The following C5orf34 variants were observed in gnomAD, a reference collection of about 807,000 sequenced individuals.
The protein encoded by C5orf34 is chromosome 5 open reading frame 34, also known as uncharacterized protein C5orf34.
A neutral mutation model predicts 78.4 loss-of-function variants in C5orf34; 73 were observed. The ratio of observed to expected loss-of-function variants is 0.93; its 90% confidence interval spans 0.77 to 1.13. The LOEUF (loss-of-function observed/expected upper bound fraction) is 1.13, where lower values mean the gene tolerates loss of function less well. Ranked by LOEUF, C5orf34 falls within the 50% of genes most tolerant of loss-of-function variation. The probability of loss-of-function intolerance (pLI) is 0.00; values close to 1 mark genes in which losing one functional copy is unlikely to be tolerated. For synonymous variants in C5orf34, 251 were observed against 246.6 expected (o/e 1.02, Z -0.17); for missense variants, 730 against 732.7 (o/e 1.00, Z 0.04).
intron 6 of C5orf34, chr5:43,495,320 T>C: frequency 6.2e-7 from 1 of 1,611,676 alleles, no homozygotes; most frequent in Non-Finnish European, 8.5e-7. Flanking sequence ...AGAACCGCGA[T>C]CAATCTTTTC....
chr5:43,507,800 C>T (rs748869647), intron 3 of C5orf34, among the ~76,000 whole-genome samples: 48 of 151,832 alleles, frequency 3.2e-4, no homozygotes, highest in Middle Eastern at 3.4e-3. Flanking sequence ...GGCTGCCGGC[C>T]GGGCGCGGTG....
chr5:43,511,473 G>A (rs1477807376), intron 1 of C5orf34, among the ~76,000 whole-genome samples: 16 of 150,138 alleles, frequency 1.1e-4, no homozygotes, highest in African/African-American at 3.4e-4. Flanking sequence ...CTGCCTGGCC[G>A]CCCCTTCTGG....
chr5:43,508,909 A>G (rs1036188150), intron 2 of C5orf34, among the ~76,000 whole-genome samples: 9 of 152,324 alleles, frequency 5.9e-5, no homozygotes, highest in African/African-American at 2.2e-4. Context: ...AGTTTGTGCA[A>G]CATAGCTAGA....
chr5:43,495,873 A>G, intron 6 of C5orf34: 1 of 1,595,190 alleles, frequency 6.3e-7, no homozygotes, highest in Non-Finnish European at 8.6e-7. Flanking sequence ...TCACCATTCC[A>G]ACCAGAAATT....
Position 43,492,324 on chromosome 5 carries a change from A to G in C5orf34, c.1486-15T>C. ...CCTTGATTTACCTGAAGAAGTAGAA[A>G]GATAAGTTTTATCATTTTAGAACTG... On this transcript the variant is annotated splice_polypyrimidine_tract_variant and intron_variant, in intron 9 of 12. Coordinates refer to ENST00000306862, the MANE Select transcript of C5orf34 (RefSeq NM_198566.4). 1 of 1,523,642 alleles carries G rather than the reference A, an allele frequency of 6.6e-7. No individual in the cohort carries two copies. The highest frequency in any genetic ancestry group is 9.0e-7 in the Non-Finnish European group (1 of 1,106,112). The allele number at this position is 1,523,642 out of a possible 1,614,324, so 94.4% of individuals were successfully genotyped here. A position where few individuals can be genotyped will look rare whatever the true frequency, so the allele number is the denominator to read the frequency against.
chr5:43,515,009 G>A lies in C5orf34; in HGVS notation c.-240C>T, dbSNP rs1031259763. On this transcript the variant is annotated 5_prime_UTR_variant, in exon 1 of 13. Coordinates refer to ENST00000306862, the MANE Select transcript of C5orf34 (RefSeq NM_198566.4). ...AACCCTAGAGGAATAAGGTGGCAGG[G>A]AGAGTGTTTTGGCCAAGATGCCCGC... 6 of 152,242 alleles carry A rather than the reference G, an allele frequency of 3.9e-5. No homozygotes were observed. The highest frequency in any genetic ancestry group is 1.3e-4 in the Admixed American group (2 of 15,284). The allele number at this position is 152,242 out of a possible 1,614,324, so 9.4% of individuals were successfully genotyped here.
chr5:43,488,815 T>TA (rs1467549743), intron 11 of C5orf34, among the ~76,000 whole-genome samples: 1 of 152,140 alleles, frequency 6.6e-6, no homozygotes, highest in Non-Finnish European at 1.5e-5. Context: ...CTACAAACTG[T>TA]AACTTGACTA....
intron 6 of C5orf34, among the ~76,000 whole-genome samples, chr5:43,501,117 C>T (rs1461425985): frequency 4.6e-5 from 7 of 152,230 alleles, no homozygotes; most frequent in South Asian, 4.1e-4. Context: ...CACCCCCTCC[C>T]GCAACAGCTT....
Position 43,494,971 on chromosome 5 carries a change from G to A in C5orf34, c.1153-370C>T. On this transcript the variant is annotated intron_variant, in intron 6 of 12. Coordinates refer to ENST00000306862, the MANE Select transcript of C5orf34 (RefSeq NM_198566.4). Reference sequence around the variant, plus strand: ...TACGATGCATTGTTATCATTAACCAGTCTTTCACTACTAAACTTAAATGGC... The same window carrying A: ...TACGATGCATTGTTATCATTAACCAATCTTTCACTACTAAACTTAAATGGC... The A allele has an allele frequency of 4.3e-6, 4 of 933,236 alleles. No individual in the cohort carries two copies. The South Asian group carries it at 6.1e-5, about 14-fold the overall frequency. 57.8% of individuals were successfully genotyped at this position (933,236 alleles called of 1,614,324 possible).
chr5:43,495,376 C>G, intron 6 of C5orf34: 1 of 1,611,802 alleles, frequency 6.2e-7, no homozygotes, highest in Non-Finnish European at 8.5e-7. Context: ...CGTGGCAATC[C>G]AATATAGGGG....
intron 1 of C5orf34, chr5:43,510,999 C>G (rs150786373): frequency 0.22 from 30,820 of 143,106 alleles, 328 homozygotes; most frequent in South Asian, 0.35. Context: ...AAGTGAGGAG[C>G]GTCTCTGCCC....
At chr5:43,493,037 G>T (rs1745350628) in intron 8 of C5orf34, 147 bp from the exon 9 acceptor site, 5 of 364,042 alleles carry the variant, frequency 1.4e-5, no homozygotes, top group Non-Finnish European at 9.9e-6. Flanking sequence ...TCCAGAAGTG[G>T]ATACCCAAAA....
intron 11 of C5orf34, among the ~76,000 whole-genome samples, chr5:43,489,426 C>A (rs1745184900): frequency 6.6e-6 from 1 of 152,132 alleles, no homozygotes; most frequent in Non-Finnish European, 1.5e-5. Flanking sequence ...TAGTTGCTTT[C>A]ACCTTTAGCT....
intron 6 of C5orf34, among the ~76,000 whole-genome samples, chr5:43,498,733 C>A (rs2112296268): frequency 6.6e-6 from 1 of 152,286 alleles, no homozygotes; most frequent in East Asian, 1.9e-4. Flanking sequence ...TCTTCCCCAC[C>A]CAGTTCATCT....
intron 11 of C5orf34, among the ~76,000 whole-genome samples, chr5:43,490,123 C>T (rs1196622866): frequency 6.6e-6 from 1 of 152,138 alleles, no homozygotes. Flanking sequence ...ACAGAAAGTT[C>T]CCTTGAAGCC....
At chr5:43,488,737 C>A (rs997288188) in intron 11 of C5orf34, among the ~76,000 whole-genome samples, 1 of 151,992 alleles carries the variant, frequency 6.6e-6, no homozygotes, top group Non-Finnish European at 1.5e-5. Context: ...TCCAGCAGAA[C>A]CCCTAAGTGT....
At chr5:43,514,367 C>G (rs907453902) in intron 1 of C5orf34, 1 of 152,162 alleles carries the variant, frequency 6.6e-6, no homozygotes, top group Non-Finnish European at 1.5e-5. Context: ...TATAAACACA[C>G]ACGTATATAT....
At chr5:43,490,540 G>T (rs1745237141) in intron 11 of C5orf34, 91 bp downstream of exon 11, 2 of 774,528 alleles carry the variant, frequency 2.6e-6, no homozygotes, top group Admixed American at 2.6e-5. Flanking sequence ...AAGTTTTTTT[G>T]GGGAAAAAAG....
intron 6 of C5orf34, among the ~76,000 whole-genome samples, chr5:43,500,918 G>A (rs1349712957): frequency 6.6e-6 from 1 of 152,186 alleles, no homozygotes; most frequent in African/African-American, 2.4e-5. Flanking sequence ...AAAGTAAGGA[G>A]CAAACAACTT....
Sources: gnomAD v4.1 joint callset for allele counts (sites outside exome capture counted in the v4.1 genomes callset) on GRCh38, gnomAD v4.1.1 for gene constraint, MANE v1.5 for transcripts, NCBI Gene and HGNC (gene_info 2026-07-23, HGNC 2026-07-21) for gene names.